STARD13: variants seen among roughly 807,000 people sequenced by gnomAD.
STARD13 encodes the protein StAR related lipid transfer domain containing 13.
A neutral mutation model predicts 106.4 loss-of-function variants in STARD13; 62 were observed. That is an observed-to-expected ratio of 0.58 (90% CI 0.48 to 0.72). The LOEUF is 0.72. Among genes scored for constraint, STARD13 ranks in the 30% least tolerant of loss-of-function variants. The pLI is 0.00. For synonymous variants in STARD13, 565 were observed against 553.0 expected, an observed-to-expected ratio of 1.02 and a Z score of -0.31; for missense variants, 1,387 against 1,424.0, an observed-to-expected ratio of 0.97 and a Z score of 0.42.
At chr13:33,147,922 GA>G (rs1880766047) in intron 3 of STARD13, among the ~76,000 whole-genome samples, 1 of 152,198 alleles carries the variant, frequency 6.6e-6, no homozygotes, top group South Asian at 2.1e-4. Context: ...CTCGCACAAA[GA>G]GAGTCAACTT....
chr13:33,128,585 CA>C (rs2138158914), intron 5 of STARD13, among the ~76,000 whole-genome samples: 1 of 152,258 alleles, frequency 6.6e-6, no homozygotes, highest in Admixed American at 6.5e-5. Flanking sequence ...ACAGGAAGGT[CA>C]GGGGAAGAGT....
At chr13:33,324,499 C>A (rs1893669474) in intron 1 of STARD13, among the ~76,000 whole-genome samples, 1 of 152,212 alleles carries the variant, frequency 6.6e-6, no homozygotes, top group Non-Finnish European at 1.5e-5. Context: ...AAACCAACAG[C>A]TGATGTCAAA....
chr13:33,423,518 T>C, the STARD13 span, among the ~76,000 whole-genome samples: 2 of 152,200 alleles, frequency 1.3e-5, no homozygotes, highest in Admixed American at 6.5e-5. Context: ...ACTTCAACCA[T>C]TGTGGAAGAC....
intron 1 of STARD13, among the ~76,000 whole-genome samples, chr13:33,304,184 T>C (rs1892820664): frequency 6.6e-6 from 1 of 152,282 alleles, no homozygotes; most frequent in South Asian, 2.1e-4. Flanking sequence ...ATCTTGTTAC[T>C]GAGCCATAGA....
At position 33,109,913 on chromosome 13, in the gene STARD13, T is replaced by C; in HGVS notation, c.3007A>G (p.Ser1003Gly). Residue 1003 changes from serine (S) to glycine (G), a missense_variant, in exon 12 of 14, where the codon AGC becomes GGC. By Grantham distance (56) the Ser-to-Gly change is moderately conservative (BLOSUM62 0). Coordinates refer to ENST00000336934, the MANE Select transcript of STARD13 (RefSeq NM_178006.4). The part of the protein sequence containing the change: ...QTEIYQYVLN[S>G]MAPHPSRDFV... ...TCTCTGGAAGGATGGGGAGCCATGC[T>C]GTTCAGCACATACTGGTAGATCTCT... The C allele has an allele frequency of 6.2e-7, 1 of 1,614,260 alleles. No individual in the cohort carries two copies. The highest frequency in any genetic ancestry group is 2.2e-5 in the East Asian group (1 of 44,886).
At chr13:33,499,261 G>A in the STARD13 span, among the ~76,000 whole-genome samples, 20 of 152,244 alleles carry the variant, frequency 1.3e-4, no homozygotes, top group African/African-American at 4.8e-4. Flanking sequence ...GAAAAAAGTT[G>A]AGTGGGTTGA....
chr13:33,240,191 C>T lies in STARD13; in HGVS notation c.169+45279G>A, dbSNP rs139587918. Among the ~76,000 whole-genome samples the T allele has an allele frequency of 7.9e-5, 12 of 152,188 alleles. No homozygotes were observed. In the East Asian group the frequency reaches 1.5e-3, roughly 20 times the overall value. On this transcript the variant is annotated intron_variant, in intron 1 of 13. Transcript: ENST00000336934. ...ATGAGCTCATTGAAGACCATCTGACCGTATACACGAGGATTTGTTCCTTGG... is the reference window on the plus strand; with the variant it reads ...ATGAGCTCATTGAAGACCATCTGACTGTATACACGAGGATTTGTTCCTTGG...
At chr13:33,359,268 G>A in the STARD13 span, among the ~76,000 whole-genome samples, 1 of 152,062 alleles carries the variant, frequency 6.6e-6, no homozygotes, top group Admixed American at 6.6e-5. Context: ...AGCCCAGCGA[G>A]ACCACGAGCC....
intron 1 of STARD13, chr13:33,206,199 G>A (rs1180771602): frequency 5.9e-6 from 1 of 169,618 alleles, no homozygotes; most frequent in Non-Finnish European, 1.2e-5. Flanking sequence ...ACCAAGGGGG[G>A]TGCTCCTTCT....
At chr13:33,610,812 G>A in the STARD13 span, among the ~76,000 whole-genome samples, 2,041 of 152,342 alleles carry the variant, frequency 0.013, 41 homozygotes, top group Admixed American at 0.047. Flanking sequence ...CCCACCGCGG[G>A]CCACTGCGCG....
chr13:33,474,242 G>C, the STARD13 span, among the ~76,000 whole-genome samples: 1 of 152,116 alleles, frequency 6.6e-6, no homozygotes, highest in Non-Finnish European at 1.5e-5. Context: ...TTCTTCTGTG[G>C]TGTGGCCCCA....
At chr13:33,111,482 C>T (rs1874556656) in intron 10 of STARD13, among the ~76,000 whole-genome samples, 1 of 152,160 alleles carries the variant, frequency 6.6e-6, no homozygotes, top group Admixed American at 6.5e-5. Context: ...AATCAAGCTC[C>T]AAGGTAAAAT....
intron 1 of STARD13, among the ~76,000 whole-genome samples, chr13:33,210,883 C>A (rs1461690415): frequency 6.6e-6 from 1 of 152,126 alleles, no homozygotes; most frequent in African/African-American, 2.4e-5. Flanking sequence ...CAGAATCGGC[C>A]ATTTCAAGCC....
chr13:33,530,310 C>G, the STARD13 span, among the ~76,000 whole-genome samples: 241 of 152,192 alleles, frequency 1.6e-3, 1 homozygote, highest in African/African-American at 5.7e-3. Flanking sequence ...TATCCCATAC[C>G]AATTGCAATT....
the STARD13 span, among the ~76,000 whole-genome samples, chr13:33,519,212 CTTTCTTTCTTTCTTTCTT>C: frequency 1.6e-3 from 105 of 66,452 alleles, 2 homozygotes; most frequent in East Asian, 0.025. Context: ...GTAATTTTTT[CTTTCTTTCTTTCTTTCTT>C]TCTTTCTTTC....
chr13:33,496,747 A>C, the STARD13 span, among the ~76,000 whole-genome samples: 557 of 152,258 alleles, frequency 3.7e-3, 3 homozygotes, highest in African/African-American at 0.013. Context: ...TAGTGATGAT[A>C]CAGTTTATAC....
the STARD13 span, among the ~76,000 whole-genome samples, chr13:33,385,863 A>C: frequency 6.8e-6 from 1 of 146,178 alleles, no homozygotes; most frequent in Non-Finnish European, 1.5e-5. Flanking sequence ...AAAAAAAAAA[A>C]CAAAAAAAAA....
chr13:33,273,944 G>A (rs998368495), intron 1 of STARD13: 3 of 152,096 alleles, frequency 2.0e-5, no homozygotes, highest in Non-Finnish European at 4.4e-5. Flanking sequence ...AGCTTGTGAT[G>A]AATGTTTTCT....
At chr13:33,614,620 G>GA in the STARD13 span, among the ~76,000 whole-genome samples, 3 of 152,226 alleles carry the variant, frequency 2.0e-5, no homozygotes, top group South Asian at 2.1e-4. Context: ...CAAGTGCCAT[G>GA]AAAAAAACAA....
Sources: allele counts gnomAD v4.1 joint callset (sites outside exome capture counted in the v4.1 genomes callset), GRCh38; gene constraint gnomAD v4.1.1; transcripts MANE v1.5; gene names NCBI Gene and HGNC (gene_info 2026-07-23, HGNC 2026-07-21).